CDH7: variants seen among roughly 807,000 people sequenced by gnomAD.
The protein encoded by CDH7 is cadherin 7.
CDH7 carries 25 observed loss-of-function variants against 71.8 expected under a neutral mutation model. The ratio of observed to expected loss-of-function variants is 0.35; its 90% confidence interval spans 0.25 to 0.49. CDH7 has a LOEUF of 0.49. Ranked by LOEUF, CDH7 falls within the 20% of genes least tolerant of loss-of-function variation. The pLI is 0.99. For missense variants in CDH7, 862 were observed against 974.6 expected, an observed-to-expected ratio of 0.88 and a Z score of 1.54; for synonymous variants, 381 against 363.8, an observed-to-expected ratio of 1.05 and a Z score of -0.54.
chr18:65,829,489 G>A (rs1221782995), intron 6 of CDH7, among the ~76,000 whole-genome samples: 5 of 149,680 alleles, frequency 3.3e-5, no homozygotes, highest in African/African-American at 1.2e-4. Flanking sequence ...AAAACTTGTG[G>A]TGCTTCAGAC....
intron 1 of CDH7, among the ~76,000 whole-genome samples, chr18:65,758,884 G>A (rs575333411): frequency 6.6e-5 from 10 of 152,272 alleles, no homozygotes; most frequent in South Asian, 2.1e-4. Flanking sequence ...TTCAGTCGTA[G>A]ATACTACAGA....
At position 65,800,211 on chromosome 18, in the gene CDH7, C is replaced by G. The variant is rs552613457; in HGVS notation, c.211-9493C>G. Among the ~76,000 whole-genome samples the G allele has an allele frequency of 7.2e-5, 11 of 152,220 alleles. No homozygotes were observed. In the East Asian group the frequency reaches 2.1e-3, roughly 29 times the overall value. On this transcript the variant is annotated intron_variant, in intron 2 of 11. Coordinates refer to ENST00000397968, the MANE Select transcript of CDH7 (RefSeq NM_004361.5). ...TCTCCTGCCTCAGCCTCCCGAGTAG[C>G]TGGGACTACAGGTGCGTGCCACCTT...
intron 2 of CDH7, among the ~76,000 whole-genome samples, chr18:65,781,932 C>G (rs866978154): frequency 7.6e-5 from 9 of 118,202 alleles, no homozygotes; most frequent in African/African-American, 2.2e-4. Context: ...TTCTCTCTCT[C>G]TCTCTCTCTC....
chr18:65,873,602 T>G (rs920611627), intron 11 of CDH7, among the ~76,000 whole-genome samples: 1 of 152,224 alleles, frequency 6.6e-6, no homozygotes, highest in Non-Finnish European at 1.5e-5. Context: ...ATTTTACACT[T>G]AGAGCATATC....
chr18:65,842,851 G>GTTTT lies in CDH7; in HGVS notation c.982-954_982-951dup, dbSNP rs3061824. ...TTATATTTTTCAGTATTCCTGTAAA[G>GTTTT]TTTTTTTTTTCACTGTTTTTAATTC... On this transcript the variant is annotated intron_variant, in intron 6 of 11. Coordinates refer to ENST00000397968, the MANE Select transcript of CDH7 (RefSeq NM_004361.5). Among the ~76,000 whole-genome samples, 528 of 146,470 alleles carry GTTTT rather than the reference G, an allele frequency of 3.6e-3. 2 individuals are homozygous for GTTTT. The highest frequency in any genetic ancestry group is 0.011 in the Middle Eastern group (3 of 274).
At chr18:65,832,134 G>A (rs1164469732) in intron 6 of CDH7, among the ~76,000 whole-genome samples, 1 of 152,080 alleles carries the variant, frequency 6.6e-6, no homozygotes, top group Admixed American at 6.6e-5. Context: ...CCTGCGGACT[G>A]TGCTTGATAA....
intron 2 of CDH7, among the ~76,000 whole-genome samples, chr18:65,808,781 T>G (rs551352051): frequency 1.4e-4 from 22 of 152,148 alleles, no homozygotes; most frequent in Non-Finnish European, 2.8e-4. Context: ...GTAAATTGAG[T>G]TTTTACATTC....
chr18:65,800,914 ACT>A, intron 2 of CDH7, among the ~76,000 whole-genome samples: 1 of 152,148 alleles, frequency 6.6e-6, no homozygotes, highest in Admixed American at 6.5e-5. Context: ...TGTGAAACTA[ACT>A]CTTAGGAGCA....
chr18:65,833,055 T>G (rs1912408564), intron 6 of CDH7, among the ~76,000 whole-genome samples: 1 of 152,234 alleles, frequency 6.6e-6, no homozygotes, highest in African/African-American at 2.4e-5. Context: ...TTTTAAAGGC[T>G]AATTTTGCTG....
At chr18:65,787,053 AT>A (rs1910541002) in intron 2 of CDH7, among the ~76,000 whole-genome samples, 1 of 151,982 alleles carries the variant, frequency 6.6e-6, no homozygotes, top group Non-Finnish European at 1.5e-5. Context: ...ACTGTCACAT[AT>A]TTATATGTTT....
intron 2 of CDH7, among the ~76,000 whole-genome samples, chr18:65,778,298 A>AT (rs1568179422): frequency 1.4e-5 from 2 of 137,994 alleles, no homozygotes; most frequent in African/African-American, 5.4e-5. Context: ...AAAAAAAAAA[A>AT]AAACCTAGTG....
intron 2 of CDH7, among the ~76,000 whole-genome samples, chr18:65,776,267 G>A (rs1598995032): frequency 6.6e-6 from 1 of 151,776 alleles, no homozygotes; most frequent in East Asian, 1.9e-4. Context: ...TCCAGGATTT[G>A]GCTGCTGTTT....
intron 2 of CDH7, among the ~76,000 whole-genome samples, chr18:65,790,314 A>G (rs192765204): frequency 1.3e-5 from 2 of 151,850 alleles, no homozygotes; most frequent in African/African-American, 4.8e-5. Flanking sequence ...GTATAGAGGT[A>G]TATGGGAAAA....
chr18:65,775,775 C>T (rs950715634), intron 2 of CDH7, among the ~76,000 whole-genome samples: 1 of 152,104 alleles, frequency 6.6e-6, no homozygotes, highest in Admixed American at 6.6e-5. Flanking sequence ...CAAGTATGGT[C>T]TAAGGAAAAA....
At chr18:65,841,370 A>G (rs568204449) in intron 6 of CDH7, among the ~76,000 whole-genome samples, 1 of 152,324 alleles carries the variant, frequency 6.6e-6, no homozygotes, top group East Asian at 1.9e-4. Context: ...TGAATACAGA[A>G]ATACTTGGTA....
intron 2 of CDH7, among the ~76,000 whole-genome samples, chr18:65,793,418 CAA>C (rs541826329): frequency 3.2e-4 from 29 of 91,078 alleles, no homozygotes; most frequent in Non-Finnish European, 3.7e-4. Context: ...CACCCAGTCT[CAA>C]AAAAAAAAAA....
intron 11 of CDH7, among the ~76,000 whole-genome samples, chr18:65,874,918 C>T (rs914621956): frequency 3.9e-5 from 6 of 152,028 alleles, no homozygotes; most frequent in Non-Finnish European, 5.9e-5. Context: ...AGGATGACAA[C>T]GAGGTTTTGA....
intron 1 of CDH7, among the ~76,000 whole-genome samples, chr18:65,756,475 AC>A (rs1916032589): frequency 1.3e-5 from 2 of 152,230 alleles, no homozygotes; most frequent in African/African-American, 4.8e-5. Context: ...CATAAACTAT[AC>A]CAGTTTTTAA....
At chr18:65,831,254 C>G (rs916750324) in intron 6 of CDH7, among the ~76,000 whole-genome samples, 1 of 152,068 alleles carries the variant, frequency 6.6e-6, no homozygotes, top group South Asian at 2.1e-4. Context: ...GTGTGAGTTT[C>G]TGGGCTTAAT....
Sources: gnomAD v4.1 joint callset for allele counts (sites outside exome capture counted in the v4.1 genomes callset) on GRCh38, gnomAD v4.1.1 for gene constraint, MANE v1.5 for transcripts, NCBI Gene and HGNC (gene_info 2026-07-23, HGNC 2026-07-21) for gene names.